Variants in FRMD5 observed in about 807,000 individuals in gnomAD.
FRMD5 encodes the protein FERM domain-containing protein 5.
FRMD5 carries 20 observed loss-of-function variants against 69.0 expected under a neutral mutation model. That is an observed-to-expected ratio of 0.29 (90% CI 0.20 to 0.42). The LOEUF is 0.42. Among genes scored for constraint, FRMD5 ranks in the 10% least tolerant of loss-of-function variants. The probability of loss-of-function intolerance (pLI) is 1.00; values close to 1 mark genes in which losing one functional copy is unlikely to be tolerated. For missense variants in FRMD5, 595 were observed against 708.6 expected (o/e 0.84, Z 1.82); for synonymous variants, 271 against 260.1 (o/e 1.04, Z -0.40).
intron 1 of FRMD5, among the ~76,000 whole-genome samples, chr15:44,118,137 G>T (rs2076897096): frequency 6.6e-6 from 1 of 151,166 alleles, no homozygotes; most frequent in Non-Finnish European, 1.5e-5. Flanking sequence ...CTATGAGGAA[G>T]AAATTAAGGA....
chr15:44,198,083 G>A (rs1164726969), upstream of FRMD5, among the ~76,000 whole-genome samples: 1 of 152,140 alleles, frequency 6.6e-6, no homozygotes, highest in Non-Finnish European at 1.5e-5. Context: ...GCCAAGGCAG[G>A]CAGATCGCTT....
intron 1 of FRMD5, among the ~76,000 whole-genome samples, chr15:44,068,747 T>C (rs1045854851): frequency 6.6e-6 from 1 of 152,236 alleles, no homozygotes; most frequent in African/African-American, 2.4e-5. Flanking sequence ...GCAAATTTTA[T>C]GACATGTGAA....
intron 1 of FRMD5, among the ~76,000 whole-genome samples, chr15:44,113,890 A>G (rs1196334488): frequency 1.3e-5 from 2 of 152,204 alleles, no homozygotes; most frequent in East Asian, 3.8e-4. Flanking sequence ...CTTTATTTGC[A>G]TAACTATGAA....
At chr15:44,139,666 A>T (rs1342235857) in intron 1 of FRMD5, among the ~76,000 whole-genome samples, 1 of 150,080 alleles carries the variant, frequency 6.7e-6, no homozygotes, top group East Asian at 1.9e-4. Context: ...TGAGGGGGCA[A>T]GATCACTTAA....
chr15:43,931,591 T>C (rs2089677475), intron 1 of FRMD5, among the ~76,000 whole-genome samples: 1 of 152,048 alleles, frequency 6.6e-6, no homozygotes, highest in African/African-American at 2.4e-5. Flanking sequence ...CTTTTTTCTT[T>C]TTTTTTTTGC....
intron 4 of FRMD5, among the ~76,000 whole-genome samples, chr15:43,915,982 C>T (rs2089379460): frequency 6.6e-6 from 1 of 152,182 alleles, no homozygotes; most frequent in Non-Finnish European, 1.5e-5. Context: ...AAAAATGCAG[C>T]TAATTCCACA....
At chr15:43,915,303 AT>A (rs1471245706) in intron 4 of FRMD5, among the ~76,000 whole-genome samples, 1 of 152,204 alleles carries the variant, frequency 6.6e-6, no homozygotes, top group Admixed American at 6.5e-5. Context: ...CAGAGACCAT[AT>A]GGCCCGACAA....
At chr15:43,893,535 C>T (rs1335638397) in intron 7 of FRMD5, among the ~76,000 whole-genome samples, 1 of 152,166 alleles carries the variant, frequency 6.6e-6, no homozygotes, top group Non-Finnish European at 1.5e-5. Context: ...GATTTGGCAC[C>T]GTCAGGCTGC....
intron 1 of FRMD5, among the ~76,000 whole-genome samples, chr15:43,978,579 T>C (rs2090500334): frequency 6.6e-6 from 1 of 152,150 alleles, no homozygotes; most frequent in African/African-American, 2.4e-5. Flanking sequence ...GTTTTTGTAA[T>C]CAAAAAGATT....
intron 1 of FRMD5, among the ~76,000 whole-genome samples, chr15:43,981,912 C>T (rs1380206044): frequency 6.6e-6 from 1 of 152,222 alleles, no homozygotes; most frequent in African/African-American, 2.4e-5. Flanking sequence ...ACTTTTCTGC[C>T]ATATCTACAA....
chr15:44,031,210 G>A (rs1387024963), intron 1 of FRMD5, among the ~76,000 whole-genome samples: 1 of 148,416 alleles, frequency 6.7e-6, no homozygotes, highest in African/African-American at 2.5e-5. Context: ...CTTGAAAAGT[G>A]CAAGAATATA....
chr15:44,085,095 A>G (rs1409980306), intron 1 of FRMD5, among the ~76,000 whole-genome samples: 2 of 152,146 alleles, frequency 1.3e-5, no homozygotes, highest in African/African-American at 4.8e-5. Flanking sequence ...ATTTATATAG[A>G]TTCTTATTTG....
intron 1 of FRMD5, among the ~76,000 whole-genome samples, chr15:43,935,664 C>T (rs1368738204): frequency 6.6e-6 from 1 of 152,060 alleles, no homozygotes; most frequent in African/African-American, 2.4e-5. Flanking sequence ...TGTGTGACTG[C>T]TCCTTCTTCA....
intron 1 of FRMD5, among the ~76,000 whole-genome samples, chr15:44,180,419 C>A (rs1047661764): frequency 6.6e-6 from 1 of 152,094 alleles, no homozygotes; most frequent in South Asian, 2.1e-4. Flanking sequence ...TTATCAGTAC[C>A]TTCATTTTAA....
chr15:44,148,800 G>A (rs1290000383), intron 1 of FRMD5, among the ~76,000 whole-genome samples: 1 of 152,070 alleles, frequency 6.6e-6, no homozygotes, highest in African/African-American at 2.4e-5. Context: ...AAAAAATTGT[G>A]ACTCACTTTA....
chr15:44,098,697 G>A (rs2076592170), intron 1 of FRMD5, among the ~76,000 whole-genome samples: 1 of 152,106 alleles, frequency 6.6e-6, no homozygotes, highest in Non-Finnish European at 1.5e-5. Flanking sequence ...GCCTCTTGAA[G>A]AGACCCTGTC....
chr15:44,140,880 CAAAAAAA>C (rs1203954176), intron 1 of FRMD5, among the ~76,000 whole-genome samples: 8 of 31,934 alleles, frequency 2.5e-4, no homozygotes, highest in South Asian at 1.1e-3. Flanking sequence ...GAGACTGTCT[CAAAAAAA>C]AAAAAAAAAA....
intron 4 of FRMD5, among the ~76,000 whole-genome samples, chr15:43,914,284 T>A (rs988757508): frequency 1.3e-5 from 2 of 152,160 alleles, no homozygotes; most frequent in East Asian, 3.9e-4. Flanking sequence ...CCTTTGGCCT[T>A]ACCTTCCCTT....
chr15:43,993,707 C>T (rs554189179), intron 1 of FRMD5, among the ~76,000 whole-genome samples: 145 of 152,202 alleles, frequency 9.5e-4, no homozygotes, highest in African/African-American at 3.3e-3. Flanking sequence ...TATTGTGTTG[C>T]GATCTATCTC....
Sources: gnomAD v4.1 joint callset for allele counts (sites outside exome capture counted in the v4.1 genomes callset) on GRCh38, gnomAD v4.1.1 for gene constraint, MANE v1.5 for transcripts, NCBI Gene and HGNC (gene_info 2026-07-23, HGNC 2026-07-21) for gene names.